The following ZNF461 variants were observed in gnomAD, a reference collection of about 807,000 sequenced individuals.
ZNF461 encodes gonadotropin-inducible ovarian transcription factor-1.
ZNF461 carries 16 observed loss-of-function variants against 18.3 expected under a neutral mutation model. That is an observed-to-expected ratio of 0.88 (90% CI 0.59 to 1.33). The LOEUF (loss-of-function observed/expected upper bound fraction) is 1.33, where lower values mean the gene tolerates loss of function less well. ZNF461 is among the 40% of genes most tolerant of loss of function. ZNF461 has a pLI of 0.00. For synonymous variants in ZNF461, 179 were observed against 216.9 expected, an observed-to-expected ratio of 0.83 and a Z score of 1.54; for missense variants, 595 against 669.9, an observed-to-expected ratio of 0.89 and a Z score of 1.23.
At chr19:36,648,011 G>C (rs573976880) in intron 4 of ZNF461, among the ~76,000 whole-genome samples, 1 of 151,958 alleles carries the variant, frequency 6.6e-6, no homozygotes, top group African/African-American at 2.4e-5. Flanking sequence ...GTGAAACTGT[G>C]TCTCTACTAA....
intron 3 of ZNF461, 26 bp downstream of exon 3, chr19:36,658,273 G>A (rs779199564): frequency 1.3e-6 from 2 of 1,589,804 alleles, no homozygotes; most frequent in African/African-American, 2.7e-5. Flanking sequence ...TGAATTGTCA[G>A]GTTCTTAATT....
intron 4 of ZNF461, among the ~76,000 whole-genome samples, chr19:36,652,979 C>T (rs1038127464): frequency 6.6e-6 from 1 of 152,172 alleles, no homozygotes; most frequent in Non-Finnish European, 1.5e-5. Context: ...AGATGGCACA[C>T]ACAGATGTTC....
rs760589942 is a variant in ZNF461, at chr19:36,639,390, G to A, written c.955C>T (p.His319Tyr). The A allele has an allele frequency of 6.2e-7, 1 of 1,613,996 alleles. No individual in the cohort carries two copies. Among genetic ancestry groups the A allele is most frequent in the East Asian group, 2.2e-5 (1 of 44,862 alleles). The change falls in exon 6 of 6, where the codon CAT (histidine) becomes TAT (tyrosine). Residue 319 changes from histidine (H) to tyrosine (Y), a missense_variant. By Grantham distance (83) the His-to-Tyr change is moderately conservative. Coordinates refer to ENST00000588268, the MANE Select transcript of ZNF461 (RefSeq NM_153257.5). The stretch of plus-strand genomic sequence containing the variant: ...TTTTCACCAGTATGAAGTCTCTGAT[G>A]TTGAGTAAGCTGTGATCGCTGTCTA... Reference protein sequence around the residue: ...AFRQRSQLTQHQRLHTGEKPY... With the variant: ...AFRQRSQLTQYQRLHTGEKPY...
At chr19:36,663,954 T>C (rs1375886771) in intron 2 of ZNF461, among the ~76,000 whole-genome samples, 3 of 152,216 alleles carry the variant, frequency 2.0e-5, no homozygotes, top group Non-Finnish European at 4.4e-5. Context: ...AGGGAAGATA[T>C]GTATGTATGT....
intron 4 of ZNF461, among the ~76,000 whole-genome samples, chr19:36,645,848 G>A (rs2037516788): frequency 1.3e-5 from 2 of 152,090 alleles, no homozygotes; most frequent in Non-Finnish European, 2.9e-5. Context: ...GCAGTGGAGC[G>A]AACTCAGCTA....
At chr19:36,640,767 T>G (rs1450701254) in intron 5 of ZNF461, among the ~76,000 whole-genome samples, 1 of 152,182 alleles carries the variant, frequency 6.6e-6, no homozygotes, top group Non-Finnish European at 1.5e-5. Context: ...AAAATTAAAT[T>G]TATATGCCTG....
chr19:36,640,339 G>T (rs2037402823), intron 5 of ZNF461, among the ~76,000 whole-genome samples: 1 of 152,184 alleles, frequency 6.6e-6, no homozygotes, highest in African/African-American at 2.4e-5. Flanking sequence ...ATCTAAGAGA[G>T]TTGGTCTTAG....
intron 4 of ZNF461, among the ~76,000 whole-genome samples, chr19:36,650,184 A>G (rs62112478): frequency 0.1 from 15,821 of 152,174 alleles, 1,081 homozygotes; most frequent in South Asian, 0.24. Flanking sequence ...AAACAAAAAA[A>G]TTAAATAATA....
rs146682254 is a variant in ZNF461 at position 36,661,300 on chromosome 19, C to T, written c.10-2875G>A. Among the ~76,000 whole-genome samples, 16 of 151,732 alleles carry T rather than the reference C, an allele frequency of 1.1e-4. No individual in the cohort carries two copies. The East Asian group carries it at 2.9e-3, about 28-fold the overall frequency. ...CTCTTTAAAAAAAAAAAAGAGTACC[C>T]AATTGTAATATGTTTACATTATACC... is the stretch of plus-strand genomic sequence containing the variant. On this transcript the variant is annotated intron_variant, in intron 2 of 5. Transcript: ENST00000588268.
At chr19:36,664,614 G>T (rs1441631192) in intron 2 of ZNF461, 84 bp downstream of exon 2, 10 of 1,021,552 alleles carry the variant, frequency 9.8e-6, no homozygotes, top group Non-Finnish European at 1.2e-5. Flanking sequence ...AAAGCAAATA[G>T]TCACATGCCC....
In ZNF461 at chr19:36,639,984, C is replaced by T; in HGVS notation, c.361G>A (p.Glu121Lys). 6.2e-7 allele frequency: 1 copy of T among 1,613,622 alleles called. No individual in the cohort carries two copies. The highest frequency in any genetic ancestry group is 8.5e-7 in the Non-Finnish European group (1 of 1,179,756). The change falls in exon 6 of 6, where the codon GAA becomes AAA. Residue 121 changes from glutamate (E) to lysine (K), a missense_variant. Glu to Lys is a moderately conservative substitution (Grantham distance 56). Transcript: ENST00000588268. Reference protein sequence around the residue: ...LSPKRDIYETELSQWVNMEEF... With the variant: ...LSPKRDIYETKLSQWVNMEEF... ...TCCATGTTAACCCACTGGGATAATT[C>T]TGTTTCATAAATATCCCTTTTTGGA...
chr19:36,640,091 G>C (rs1002339465), intron 5 of ZNF461, 48 bp from the exon 6 acceptor site: 1 of 1,453,104 alleles, frequency 6.9e-7, no homozygotes, highest in East Asian at 2.3e-5. Flanking sequence ...TACTATAAGA[G>C]AAATAAAATA....
In ZNF461 at chr19:36,656,563, T is replaced by C. The variant is rs747053935; in HGVS notation, c.137-20A>G. The C allele has an allele frequency of 8.2e-6, 13 of 1,582,096 alleles. No homozygotes were observed. The highest frequency in any genetic ancestry group is 2.2e-5 in the South Asian group (2 of 90,268). ...AAAGTCCTAGTTATAAGAAAAGAAA[T>C]TGAGATGAGATGGAAATGAATGTAT... On this transcript the variant is annotated intron_variant, in intron 3 of 5. Coordinates refer to ENST00000588268, the MANE Select transcript of ZNF461 (RefSeq NM_153257.5).
At chr19:36,646,785 C>T (rs2037536410) in intron 4 of ZNF461, among the ~76,000 whole-genome samples, 1 of 149,874 alleles carries the variant, frequency 6.7e-6, no homozygotes, top group Non-Finnish European at 1.5e-5. Context: ...AAAAACATTG[C>T]CACTTTTCAC....
At chr19:36,658,448 T>A (rs781179447) in intron 2 of ZNF461, 23 bp from the exon 3 acceptor site, 5 of 1,569,384 alleles carry the variant, frequency 3.2e-6, no homozygotes, top group Non-Finnish European at 4.3e-6. Flanking sequence ...ATAATAGTAC[T>A]ATTTTTGAAA....
intron 4 of ZNF461, among the ~76,000 whole-genome samples, 152 bp from the exon 5 acceptor site, chr19:36,644,014 C>T (rs1316785678): frequency 2.0e-5 from 3 of 152,186 alleles, no homozygotes; most frequent in Admixed American, 6.5e-5. Context: ...CTCACTGCAA[C>T]CCCCGCCTAC....
intron 4 of ZNF461, among the ~76,000 whole-genome samples, chr19:36,652,129 A>T (rs1048124689): frequency 1.5e-4 from 23 of 152,198 alleles, no homozygotes; most frequent in African/African-American, 5.5e-4. Flanking sequence ...AAGAACCTTG[A>T]TCTAAATTTC....
chr19:36,659,610 TAAACTTG>T (rs2037783143), intron 2 of ZNF461, among the ~76,000 whole-genome samples: 1 of 152,176 alleles, frequency 6.6e-6, no homozygotes, highest in Non-Finnish European at 1.5e-5. Context: ...ATAATTCTCT[TAAACTTG>T]AATCTCTGGA....
Position 36,643,825 on chromosome 19 carries a change from C to G in ZNF461, c.270G>C (p.Leu90Phe), listed in dbSNP as rs1941372051. 3 of 1,539,662 alleles carry G rather than the reference C, an allele frequency of 1.9e-6. No homozygotes were observed. The highest frequency in any genetic ancestry group is 8.8e-7 in the Non-Finnish European group (1 of 1,140,714). ...TTATGTCTGTAGCCTCATTATTGTC[C>G]AAGAAATTATTGTGAAATCCCCAAG... ...WKTWGFHNNF[L>F]DNNEATDINA... The change falls in exon 5 of 6, where the codon TTG (leucine) becomes TTC (phenylalanine). Residue 90 changes from leucine (L) to phenylalanine (F), a missense_variant. By Grantham distance (22) the Leu-to-Phe change is conservative. Transcript: ENST00000588268.
Sources: gnomAD v4.1 joint callset for allele counts (sites outside exome capture counted in the v4.1 genomes callset) on GRCh38, gnomAD v4.1.1 for gene constraint, MANE v1.5 for transcripts, NCBI Gene and HGNC (gene_info 2026-07-23, HGNC 2026-07-21) for gene names.